Variants in TADA2A observed in about 807,000 individuals in gnomAD.
The protein encoded by TADA2A is transcriptional adapter 2-alpha.
TADA2A carries 38 observed loss-of-function variants against 67.4 expected under a neutral mutation model. The observed-to-expected ratio is 0.56, with a 90% confidence interval of 0.44 to 0.74. TADA2A has a LOEUF of 0.74. Among genes scored for constraint, TADA2A ranks in the 30% least tolerant of loss-of-function variants. The pLI is 0.00. For missense variants in TADA2A, 454 were observed against 547.0 expected (o/e 0.83, Z 1.70); for synonymous variants, 192 against 181.6 (o/e 1.06, Z -0.46).
At chr17:37,443,252 TTC>T (rs1459446961) in intron 7 of TADA2A, among the ~76,000 whole-genome samples, 7 of 150,578 alleles carry the variant, frequency 4.6e-5, no homozygotes, top group Non-Finnish European at 8.9e-5. Context: ...TATAGTCTGG[TTC>T]TTTTTTTTTT....
At chr17:37,411,176 G>A (rs2051854616) in intron 1 of TADA2A, 93 bp from the exon 2 acceptor site, 1 of 613,440 alleles carries the variant, frequency 1.6e-6, no homozygotes, top group Non-Finnish European at 2.9e-6. Context: ...ACAAAGCTAA[G>A]ATGTGGCAGA....
chr17:37,451,898 T>C (rs1414322528), intron 8 of TADA2A, among the ~76,000 whole-genome samples: 1 of 150,966 alleles, frequency 6.6e-6, no homozygotes, highest in Admixed American at 6.6e-5. Context: ...GCAGGAGAAT[T>C]GCTTGAGCCT....
In TADA2A at chr17:37,444,713, A is replaced by G; in HGVS notation, c.549A>G (p.Ala183=). 7.4e-6 allele frequency: 12 copies of G among 1,614,048 alleles called. 1 individual carries two copies. The South Asian group carries it at 1.1e-4, about 15-fold the overall frequency. The change falls in exon 8 of 16, where the codon GCA becomes GCG. Residue 183 remains alanine, a synonymous_variant. Transcript: ENST00000615182. ...CTAAACAGGAATTTGACAATTATGC[A>G]GAATGGGACTTGAGAGACATTGATT... is the stretch of plus-strand genomic sequence containing the variant. ...ADFIEEFDNY[A]EWDLRDIDFV... is the part of the protein sequence containing the mutation.
At chr17:37,410,372 C>G (rs924181025) in intron 1 of TADA2A, among the ~76,000 whole-genome samples, 3 of 150,992 alleles carry the variant, frequency 2.0e-5, no homozygotes, top group African/African-American at 7.3e-5. Context: ...GATGGGGTCT[C>G]CCTATGTTGC....
At chr17:37,411,618 T>G (rs1171885898) in intron 2 of TADA2A, among the ~76,000 whole-genome samples, 1 of 151,636 alleles carries the variant, frequency 6.6e-6, no homozygotes. Context: ...TTAGTAGAGA[T>G]AGGGTTTTAC....
chr17:37,429,045 CAAA>C (rs375811520), intron 4 of TADA2A, among the ~76,000 whole-genome samples: 7 of 109,590 alleles, frequency 6.4e-5, no homozygotes, highest in Non-Finnish European at 3.9e-5. Flanking sequence ...GACTCCGTCT[CAAA>C]AAAAAAAAAA....
chr17:37,445,700 T>G (rs193283838), intron 8 of TADA2A, among the ~76,000 whole-genome samples: 246 of 152,320 alleles, frequency 1.6e-3, no homozygotes, highest in African/African-American at 5.8e-3. Flanking sequence ...TTTCCTTCTT[T>G]CCATTTTCAG....
At position 37,437,972 on chromosome 17, in the gene TADA2A, C is replaced by T. The variant is rs2052783021; in HGVS notation, c.284+143C>T. 2.7e-5 allele frequency: 19 copies of T among 710,274 alleles called. No homozygotes were observed. In the South Asian group the frequency reaches 3.4e-4, roughly 13 times the overall value. 44.0% of individuals were successfully genotyped at this position (710,274 alleles called of 1,614,324 possible). A position where few individuals can be genotyped will look rare whatever the true frequency, so the allele number is the denominator to read the frequency against. On this transcript the variant is annotated intron_variant, in intron 5 of 15. Coordinates refer to ENST00000615182, the MANE Select transcript of TADA2A (RefSeq NM_001166105.3). ...CATGATTTAGAGGCAAGTTAGTCCC[C>T]TCTGTACATTATTTTTCCAGTGTCG... is the stretch of plus-strand genomic sequence containing the variant.
At chr17:37,437,923 G>T in intron 5 of TADA2A, 94 bp downstream of exon 5, 1 of 1,187,398 alleles carries the variant, frequency 8.4e-7, no homozygotes, top group Non-Finnish European at 1.2e-6. Flanking sequence ...GGAAGAGAAA[G>T]TATGTGTTGC....
intron 8 of TADA2A, among the ~76,000 whole-genome samples, chr17:37,445,144 A>G (rs745418289): frequency 6.6e-6 from 1 of 152,180 alleles, no homozygotes; most frequent in African/African-American, 2.4e-5. Flanking sequence ...TGTTCACTAT[A>G]TTTTGTTACC....
At chr17:37,415,914 G>C (rs2052028661) in intron 2 of TADA2A, among the ~76,000 whole-genome samples, 2 of 147,772 alleles carry the variant, frequency 1.4e-5, no homozygotes, top group South Asian at 4.3e-4. Flanking sequence ...CCCACAGCCT[G>C]ACTAATTATA....
chr17:37,450,170 C>A (rs545276218), intron 8 of TADA2A, among the ~76,000 whole-genome samples: 2 of 152,208 alleles, frequency 1.3e-5, no homozygotes, highest in South Asian at 4.1e-4. Flanking sequence ...ATGTGACTCA[C>A]GAGCGACAGG....
chr17:37,451,468 AC>A (rs998618280), intron 8 of TADA2A, among the ~76,000 whole-genome samples: 6 of 151,220 alleles, frequency 4.0e-5, no homozygotes, highest in African/African-American at 1.5e-4. Context: ...ACAGGCACAT[AC>A]CACCATGTCT....
chr17:37,416,201 C>G (rs1380276811), intron 2 of TADA2A, among the ~76,000 whole-genome samples: 3 of 151,108 alleles, frequency 2.0e-5, no homozygotes, highest in East Asian at 3.9e-4. Context: ...TCACCGTAAC[C>G]TCTGTCTCCC....
chr17:37,440,408 T>A, intron 5 of TADA2A, 97 bp from the exon 6 acceptor site: 8 of 1,377,276 alleles, frequency 5.8e-6, no homozygotes, highest in Non-Finnish European at 7.9e-6. Flanking sequence ...GAGTATATTA[T>A]ATGGATGTGA....
chr17:37,424,802 T>A (rs1211786760), intron 3 of TADA2A, among the ~76,000 whole-genome samples: 1 of 152,158 alleles, frequency 6.6e-6, no homozygotes, highest in Admixed American at 6.6e-5. Context: ...GTGATCTGCC[T>A]GCCTCGGTCT....
chr17:37,473,667 A>G (rs2053838198), intron 14 of TADA2A, among the ~76,000 whole-genome samples: 2 of 152,116 alleles, frequency 1.3e-5, no homozygotes, highest in Admixed American at 6.6e-5. Flanking sequence ...AACAAAACCA[A>G]AAAAGTTTTG....
At chr17:37,474,460 C>A (rs921557562) in intron 14 of TADA2A, 96 bp from the exon 15 acceptor site, 3 of 1,165,440 alleles carry the variant, frequency 2.6e-6, no homozygotes, top group African/African-American at 3.1e-5. Flanking sequence ...TGATCCTATA[C>A]CTAACTGGCC....
chr17:37,442,706 A>G (rs1042446574), intron 7 of TADA2A, 54 bp downstream of exon 7: 13 of 1,544,610 alleles, frequency 8.4e-6, no homozygotes, highest in South Asian at 1.1e-5. Flanking sequence ...TTTGTTTCTC[A>G]TGAGCCTTCT....
Sources: allele counts gnomAD v4.1 joint callset (sites outside exome capture counted in the v4.1 genomes callset), GRCh38; gene constraint gnomAD v4.1.1; transcripts MANE v1.5; gene names NCBI Gene and HGNC (gene_info 2026-07-23, HGNC 2026-07-21).